Variants in DNAH8 observed in about 807,000 individuals in gnomAD.
DNAH8 encodes the protein dynein axonemal heavy chain 8.
A neutral mutation model predicts 562.1 loss-of-function variants in DNAH8; 382 were observed. The observed-to-expected ratio is 0.68, with a 90% CI of 0.63 to 0.74. The LOEUF is 0.74. Among genes scored for constraint, DNAH8 ranks in the 30% least tolerant of loss-of-function variants. The pLI is 0.00. For missense variants in DNAH8, 5,203 were observed against 5,620.4 expected (o/e 0.93, Z 2.37); for synonymous variants, 1,881 against 1,919.4 (o/e 0.98, Z 0.52).
intron 85 of DNAH8, among the ~76,000 whole-genome samples, chr6:38,982,066 T>C (rs1000356196): frequency 6.6e-6 from 1 of 152,196 alleles, no homozygotes; most frequent in Non-Finnish European, 1.5e-5. Flanking sequence ...CTGGGAGCAA[T>C]AGACTACATC....
intron 26 of DNAH8, among the ~76,000 whole-genome samples, chr6:38,817,308 A>C (rs1772375367): frequency 6.6e-6 from 1 of 152,210 alleles, no homozygotes; most frequent in Non-Finnish European, 1.5e-5. Context: ...GCACCACTGC[A>C]CTACAGCCAG....
intron 85 of DNAH8, among the ~76,000 whole-genome samples, chr6:38,977,206 G>A (rs990241423): frequency 1.3e-5 from 2 of 152,160 alleles, no homozygotes; most frequent in African/African-American, 2.4e-5. Flanking sequence ...GTGGGAGCAG[G>A]CTTTCCCAGG....
chr6:38,808,631 A>G (rs761521578), intron 24 of DNAH8, among the ~76,000 whole-genome samples: 48 of 152,226 alleles, frequency 3.2e-4, no homozygotes, highest in Non-Finnish European at 5.6e-4. Context: ...CAATAAAGAC[A>G]TATGCACACG....
chr6:38,845,506 A>G (rs1042250052), intron 35 of DNAH8, 68 bp from the exon 36 acceptor site: 23 of 1,322,062 alleles, frequency 1.7e-5, no homozygotes, highest in African/African-American at 1.2e-4. Flanking sequence ...AAAAAATTCT[A>G]TGATTTGATG....
chr6:38,718,696 A>G (rs1261958048), intron 1 of DNAH8, among the ~76,000 whole-genome samples: 1 of 152,212 alleles, frequency 6.6e-6, no homozygotes, highest in Non-Finnish European at 1.5e-5. Context: ...GTGTTCACAG[A>G]CACTTGTATT....
At chr6:38,991,112 G>A (rs980426288) in intron 88 of DNAH8, among the ~76,000 whole-genome samples, 5 of 152,158 alleles carry the variant, frequency 3.3e-5, no homozygotes, top group African/African-American at 1.2e-4. Flanking sequence ...TGTCCCAGGA[G>A]TCCCAGTTTG....
intron 91 of DNAH8, among the ~76,000 whole-genome samples, chr6:39,019,347 C>G (rs1766757258): frequency 6.6e-6 from 1 of 152,118 alleles, no homozygotes; most frequent in South Asian, 2.1e-4. Context: ...AAGGGCATTC[C>G]CATTTGATGC....
intron 88 of DNAH8, among the ~76,000 whole-genome samples, chr6:39,000,681 T>C (rs944514174): frequency 1.3e-5 from 2 of 152,212 alleles, no homozygotes; most frequent in South Asian, 4.1e-4. Context: ...AGATTTTACA[T>C]GATGGTGAGT....
intron 80 of DNAH8, among the ~76,000 whole-genome samples, chr6:38,947,867 T>A (rs766793277): frequency 6.6e-6 from 1 of 151,978 alleles, no homozygotes; most frequent in Non-Finnish European, 1.5e-5. Flanking sequence ...TCTGTCTCAG[T>A]CTCCTGAGTA....
chr6:38,769,067 T>A (rs930775715), intron 11 of DNAH8, among the ~76,000 whole-genome samples: 4 of 152,228 alleles, frequency 2.6e-5, no homozygotes, highest in African/African-American at 7.2e-5. Flanking sequence ...GTTTTCTGAA[T>A]TCTAGTTCAA....
chr6:38,881,209 A>G (rs1311828731), intron 53 of DNAH8, among the ~76,000 whole-genome samples: 3 of 152,204 alleles, frequency 2.0e-5, no homozygotes, highest in Admixed American at 6.5e-5. Flanking sequence ...GAAGTTAAAC[A>G]TACTCATTTT....
At position 38,749,334 on chromosome 6, in the gene DNAH8, G is replaced by A. The variant is rs150725207; in HGVS notation, c.1294-1142G>A. ...GGGAGTTGAACAATGAGAACACATG[G>A]ACACAGGGAGGGGAACATCACACAC... On this transcript the variant is annotated intron_variant, in intron 8 of 92. Coordinates refer to ENST00000327475, the MANE Select transcript of DNAH8 (RefSeq NM_001206927.2). Among the ~76,000 whole-genome samples the A allele has an allele frequency of 4.4e-3, 676 of 152,156 alleles. 3 individuals are homozygous for A. The highest frequency in any genetic ancestry group is 0.015 in the African/African-American group (632 of 41,496).
At chr6:38,897,634 G>A (rs1779789817) in intron 60 of DNAH8, among the ~76,000 whole-genome samples, 1 of 152,088 alleles carries the variant, frequency 6.6e-6, no homozygotes, top group Non-Finnish European at 1.5e-5. Flanking sequence ...GTTATATAGA[G>A]CCGGGCGAGG....
chr6:38,939,494 C>T (rs1351648203), intron 79 of DNAH8, among the ~76,000 whole-genome samples: 2 of 152,160 alleles, frequency 1.3e-5, no homozygotes, highest in African/African-American at 2.4e-5. Flanking sequence ...AAACCCACCA[C>T]GCTAGCTTTG....
At chr6:38,743,003 T>C (rs1304172237) in intron 8 of DNAH8, among the ~76,000 whole-genome samples, 2 of 139,544 alleles carry the variant, frequency 1.4e-5, no homozygotes, top group East Asian at 4.1e-4. Flanking sequence ...ATGTTGTTGT[T>C]GTGCTTTTTT....
chr6:39,020,429 A>G (rs988628171), intron 91 of DNAH8, among the ~76,000 whole-genome samples: 63 of 152,260 alleles, frequency 4.1e-4, no homozygotes, highest in Admixed American at 1.4e-3. Context: ...GGAGCTTTTA[A>G]CACATACTAC....
At chr6:38,737,462 G>A (rs1310118581) in intron 6 of DNAH8, among the ~76,000 whole-genome samples, 8 of 151,810 alleles carry the variant, frequency 5.3e-5, no homozygotes, top group South Asian at 4.2e-4. Context: ...TTACGTTATA[G>A]CAGGAGGAAT....
At chr6:39,021,967 A>G (rs1416056343) in intron 91 of DNAH8, among the ~76,000 whole-genome samples, 1 of 152,254 alleles carries the variant, frequency 6.6e-6, no homozygotes, top group Non-Finnish European at 1.5e-5. Context: ...AGCTGATTGC[A>G]CAAGTCAAAC....
chr6:38,826,598 G>A (rs1307496128), intron 29 of DNAH8, among the ~76,000 whole-genome samples: 1 of 152,164 alleles, frequency 6.6e-6, no homozygotes, highest in Non-Finnish European at 1.5e-5. Context: ...GTAATACAAA[G>A]GAATGTTAAT....
Sources: gnomAD v4.1 joint callset for allele counts (sites outside exome capture counted in the v4.1 genomes callset) on GRCh38, gnomAD v4.1.1 for gene constraint, MANE v1.5 for transcripts, NCBI Gene and HGNC (gene_info 2026-07-23, HGNC 2026-07-21) for gene names.